Variants in TBCD observed in about 807,000 individuals in gnomAD.
TBCD encodes the protein tubulin folding cofactor D.
In TBCD, 105 loss-of-function variants were observed where a neutral mutation model predicts 169.3. The ratio of observed to expected loss-of-function variants is 0.62; its 90% CI spans 0.53 to 0.73. The LOEUF (loss-of-function observed/expected upper bound fraction) is 0.73, where lower values mean the gene tolerates loss of function less well. Ranked by LOEUF, TBCD falls within the 30% of genes least tolerant of loss-of-function variation. The probability of loss-of-function intolerance (pLI) is 0.00; values close to 1 mark genes in which losing one functional copy is unlikely to be tolerated. For missense variants in TBCD, 1,444 were observed against 1,600.1 expected (o/e 0.90, Z 1.66); for synonymous variants, 700 against 643.9 (o/e 1.09, Z -1.32).
intron 11 of TBCD, among the ~76,000 whole-genome samples, chr17:82,809,421 C>T (rs1394220441): frequency 2.0e-5 from 3 of 152,186 alleles, no homozygotes; most frequent in Non-Finnish European, 4.4e-5. Context: ...TCGGTACCCT[C>T]AGCCGTCACT....
chr17:82,784,505 A>G (rs2049165345), intron 7 of TBCD, among the ~76,000 whole-genome samples: 1 of 152,218 alleles, frequency 6.6e-6, no homozygotes, highest in Admixed American at 6.5e-5. Context: ...GGACGTACCC[A>G]CTGTGCCATT....
intron 9 of TBCD, among the ~76,000 whole-genome samples, chr17:82,802,620 G>C (rs2050654986): frequency 6.6e-6 from 1 of 152,244 alleles, no homozygotes; most frequent in Admixed American, 6.5e-5. Flanking sequence ...TTAGTCTGAA[G>C]ACAGAACAAG....
Position 82,805,882 on chromosome 17 carries a change from C to T in TBCD, c.958C>T (p.Arg320Cys), listed in dbSNP as rs771304008. The part of the protein sequence containing the change: ...KPKVAAWRYQ[R>C]GCRSLAANLQ... ...ATGCTTTGCTTTGCACAGGTACCAG[C>T]GTGGCTGCCGATCTTTGGCTGCAAA... Residue 320 changes from arginine (R) to cysteine (C), a missense_variant, in exon 10 of 39, where the codon CGT (arginine) becomes TGT (cysteine). Arg to Cys is a radical substitution (Grantham distance 180). Transcript: ENST00000355528. 18 of 1,608,406 alleles carry T rather than the reference C, an allele frequency of 1.1e-5. 1 individual carries two copies. The highest frequency in any genetic ancestry group is 4.4e-5 in the South Asian group (4 of 90,970).
chr17:82,808,502 G>GTGTCA (rs2051165072), intron 11 of TBCD, among the ~76,000 whole-genome samples: 1 of 136,086 alleles, frequency 7.3e-6, no homozygotes, highest in African/African-American at 2.8e-5. Context: ...AGGTGCTGGG[G>GTGTCA]GGCGGGGAGG....
Position 82,831,793 on chromosome 17 carries a change from T to C in TBCD, c.1318+16859T>C. 1 of 1,614,046 alleles carries C rather than the reference T, an allele frequency of 6.2e-7. No individual in the cohort carries two copies. The highest frequency in any genetic ancestry group is 8.5e-7 in the Non-Finnish European group (1 of 1,180,008). ...CCCAAGCCCCTTTGTAGATGAGATT[T>C]TATGTGGAAACTCTGGTGGAAGGAA... is the stretch of plus-strand genomic sequence containing the variant. On this transcript the variant is annotated intron_variant, in intron 13 of 38. Transcript: ENST00000355528. The surrounding 1 kb of genome is among the most constrained non-coding windows in gnomAD (Gnocchi z 4.6).
chr17:82,793,429 G>A (rs1364395338), intron 7 of TBCD, among the ~76,000 whole-genome samples: 1 of 152,192 alleles, frequency 6.6e-6, no homozygotes, highest in Non-Finnish European at 1.5e-5. Flanking sequence ...GATGTCCCTC[G>A]CTTTGATTTT....
chr17:82,752,077 T>G lies in TBCD; in HGVS notation c.-117T>G, dbSNP rs1010979064. 8.2e-7 allele frequency: 1 copy of G among 1,217,094 alleles called. No homozygotes were observed. The highest frequency in any genetic ancestry group is 1.1e-6 in the Non-Finnish European group (1 of 930,604). 75.4% of individuals were successfully genotyped at this position (1,217,094 alleles called of 1,614,324 possible). On this transcript the variant is annotated 5_prime_UTR_variant, in exon 1 of 39. Coordinates refer to ENST00000355528, the MANE Select transcript of TBCD (RefSeq NM_005993.5). ...GTCGCGGGGCGGGGCCAGCGTCGGT[T>G]GCCGCCTTAGCGGGCGCCTCCTTTT...
chr17:82,812,319 C>A (rs928228286), intron 12 of TBCD, among the ~76,000 whole-genome samples: 27 of 152,194 alleles, frequency 1.8e-4, no homozygotes, highest in Non-Finnish European at 3.1e-4. Context: ...GTGCCTCCCC[C>A]TCGCCCGCCG....
chr17:82,924,874 G>A (rs2061624485), intron 26 of TBCD, 65 bp from the exon 27 acceptor site: 6 of 1,334,110 alleles, frequency 4.5e-6, no homozygotes, highest in Non-Finnish European at 6.3e-6. Context: ...TGGGGCACAC[G>A]TCGGGTGTGG....
chr17:82,928,027 C>T, intron 30 of TBCD, 39 bp downstream of exon 30: 1 of 1,584,368 alleles, frequency 6.3e-7, no homozygotes, highest in Non-Finnish European at 8.6e-7. Flanking sequence ...TCCTAGAGGG[C>T]AGCCCCGAGC....
At chr17:82,845,378 G>T (rs1179471529) in intron 13 of TBCD, among the ~76,000 whole-genome samples, 1 of 141,634 alleles carries the variant, frequency 7.1e-6, no homozygotes, top group Non-Finnish European at 1.5e-5. Flanking sequence ...TGTCTGGCTC[G>T]GCCCCTTCCT....
In TBCD at chr17:82,918,123, G is replaced by C. The variant is rs544520813; in HGVS notation, c.2039-2433G>C. Among the ~76,000 whole-genome samples, 4 of 152,330 alleles carry C rather than the reference G, an allele frequency of 2.6e-5. No individual in the cohort carries two copies. The East Asian group carries it at 5.8e-4, about 22-fold the overall frequency. ...CCCATGCTTCCTCCGCGGTGACTCC[G>C]GGTATGACAGTGTTGGAGCCGGGAC... On this transcript the variant is annotated intron_variant, in intron 23 of 38. Coordinates refer to ENST00000355528, the MANE Select transcript of TBCD (RefSeq NM_005993.5).
chr17:82,880,038 A>G lies in TBCD; in HGVS notation c.1476-4107A>G, dbSNP rs549817689. Among the ~76,000 whole-genome samples the G allele has an allele frequency of 2.0e-5, 3 of 152,134 alleles. No homozygotes were observed. In the South Asian group the frequency reaches 6.2e-4, roughly 32 times the overall value. ...TTGAGTTGCCCGCATTCCTTTGCTC[A>G]TGGGCTCTTCATCTACCTTCACAGC... On this transcript the variant is annotated intron_variant, in intron 14 of 38. Coordinates refer to ENST00000355528, the MANE Select transcript of TBCD (RefSeq NM_005993.5). This position sits in a 1 kb window ranked among gnomAD's most constrained non-coding sequence, Gnocchi z 5.0.
intron 13 of TBCD, among the ~76,000 whole-genome samples, chr17:82,848,583 T>G (rs1439679103): frequency 1.3e-5 from 2 of 152,174 alleles, no homozygotes; most frequent in African/African-American, 2.4e-5. Flanking sequence ...ATTCAGAGGG[T>G]GCCTCTACAT....
chr17:82,813,640 G>A (rs2051630948), intron 12 of TBCD, among the ~76,000 whole-genome samples: 1 of 152,212 alleles, frequency 6.6e-6, no homozygotes, highest in Admixed American at 6.5e-5. Flanking sequence ...GGTAACCTTG[G>A]TGTTTTGTCA....
Position 82,930,290 on chromosome 17 carries a change from G to A in TBCD, c.2992-232G>A. The A allele has an allele frequency of 1.8e-6, 1 of 564,214 alleles. No individual in the cohort carries two copies. Among genetic ancestry groups the A allele is most frequent in the Non-Finnish European group, 3.1e-6 (1 of 323,812 alleles). The allele number at this position is 564,214 out of a possible 1,614,324, so 35.0% of individuals were successfully genotyped here. On this transcript the variant is annotated intron_variant, in intron 32 of 38. Coordinates refer to ENST00000355528, the MANE Select transcript of TBCD (RefSeq NM_005993.5). The surrounding 1 kb of genome is among the most constrained non-coding windows in gnomAD (Gnocchi z 5.2). ...TCACGTGCTCTCCCGCATGTCCTAA[G>A]TGAGGGCTCAGGCTGAGCTGCCGTT...
chr17:82,903,381 A>T lies in TBCD; in HGVS notation c.1731-24A>T. 1.9e-6 allele frequency: 3 copies of T among 1,586,020 alleles called. No homozygotes were observed. The highest frequency in any genetic ancestry group is 2.6e-6 in the Non-Finnish European group (3 of 1,164,918). On this transcript the variant is annotated intron_variant, in intron 18 of 38. Coordinates refer to ENST00000355528, the MANE Select transcript of TBCD (RefSeq NM_005993.5). The surrounding 1 kb of genome is among the most constrained non-coding windows in gnomAD (Gnocchi z 4.8). ...CTAGAATCATAAAATGAAGGCACTT[A>T]CGACATTCTCTCCTCACTCTCAGGG...
chr17:82,853,638 C>T (rs1314084098), intron 13 of TBCD, among the ~76,000 whole-genome samples: 1 of 152,030 alleles, frequency 6.6e-6, no homozygotes, highest in South Asian at 2.1e-4. Context: ...CTCCTCGCCT[C>T]AAATGATCCT....
chr17:82,862,133 A>G (rs1391877186), intron 13 of TBCD, among the ~76,000 whole-genome samples: 5 of 152,112 alleles, frequency 3.3e-5, no homozygotes, highest in East Asian at 3.9e-4. Context: ...CGTGTTAGCC[A>G]GGATGGTCTT....
Sources: allele counts gnomAD v4.1 joint callset (sites outside exome capture counted in the v4.1 genomes callset), GRCh38; gene constraint gnomAD v4.1.1; non-coding constraint Gnocchi (gnomAD v3.1); transcripts MANE v1.5; gene names NCBI Gene and HGNC (gene_info 2026-07-23, HGNC 2026-07-21).